The following ACSF2 variants were observed in gnomAD, a reference collection of about 807,000 sequenced individuals.
ACSF2 encodes the protein medium-chain acyl-CoA ligase ACSF2, mitochondrial.
ACSF2 carries 52 observed loss-of-function variants against 79.3 expected under a neutral mutation model. The ratio of observed to expected loss-of-function variants is 0.66; its 90% CI spans 0.53 to 0.83. The LOEUF (loss-of-function observed/expected upper bound fraction) is 0.83. Ranked by LOEUF, ACSF2 falls within the 40% of genes least tolerant of loss-of-function variation. The pLI, the probability that ACSF2 is intolerant of heterozygous loss-of-function variation, is 0.00. For synonymous variants in ACSF2, 283 were observed against 312.6 expected (o/e 0.91, Z 1.00); for missense variants, 661 against 803.3 (o/e 0.82, Z 2.14).
intron 10 of ACSF2, chr17:50,470,816 G>T: frequency 4.0e-6 from 2 of 500,846 alleles, no homozygotes; most frequent in Non-Finnish European, 7.2e-6. Context: ...TTTTCTTTCA[G>T]ATCTGGGGCC....
rs369262536 is a variant in ACSF2 at position 50,468,454 on chromosome 17, G to C, written c.1216-2574G>C. On this transcript the variant is annotated intron_variant, in intron 10 of 15. Transcript: ENST00000300441. ...AGAGGTAGGTCAGCTCGGTCAGGTC[G>C]TCGAAGGCACCTGCGCGCAGCACGC... 4 of 1,614,050 alleles carry C rather than the reference G, an allele frequency of 2.5e-6. No homozygotes were observed. In the Admixed American group the frequency reaches 5.0e-5, roughly 20 times the overall value.
rs1334016938 is a variant in ACSF2 at position 50,463,809 on chromosome 17, C to G, written c.1047-9C>G. On this transcript the variant is annotated splice_polypyrimidine_tract_variant and intron_variant, in intron 8 of 15. Transcript: ENST00000300441. This position sits in a 1 kb window ranked among gnomAD's most constrained non-coding sequence, Gnocchi z 4.6. ...TCCAAGCCTAATTTCGAGACCTCCTCCTATACAGAGGCACCTTCCTGTATG... is the reference window on the plus strand; with the variant it reads ...TCCAAGCCTAATTTCGAGACCTCCTGCTATACAGAGGCACCTTCCTGTATG... 12 of 1,613,382 alleles carry G rather than the reference C, an allele frequency of 7.4e-6. No homozygotes were observed. The highest frequency in any genetic ancestry group is 2.7e-5 in the African/African-American group (2 of 74,878).
At chr17:50,461,821 C>T in intron 4 of ACSF2, 135 bp downstream of exon 4, 1 of 1,188,134 alleles carries the variant, frequency 8.4e-7, no homozygotes, top group Non-Finnish European at 1.2e-6. Context: ...CTTCCTTAGG[C>T]CATGTGTGAT....
intron 4 of ACSF2, among the ~76,000 whole-genome samples, chr17:50,461,927 G>GGTGT (rs35178435): frequency 0.026 from 3,819 of 148,154 alleles, 122 homozygotes; most frequent in Admixed American, 0.073. Flanking sequence ...TCAGGGCAGA[G>GGTGT]GTGTGTGTGT....
In ACSF2 at chr17:50,471,346, C is replaced by A. The variant is rs1354762949; in HGVS notation, c.1323+211C>A. 15 of 544,730 alleles carry A rather than the reference C, an allele frequency of 2.8e-5. No homozygotes were observed. Among genetic ancestry groups the A allele is most frequent in the Non-Finnish European group, 3.3e-5 (10 of 301,612 alleles). The allele number at this position is 544,730 out of a possible 1,614,324, so 33.7% of individuals were successfully genotyped here. On this transcript the variant is annotated intron_variant, in intron 11 of 15. Transcript: ENST00000300441. This position sits in a 1 kb window ranked among gnomAD's most constrained non-coding sequence, Gnocchi z 4.1. Reference sequence around the variant, plus strand: ...GAAGAGCTGGAACAGTGGCTGTGAGCGGCTGCCAGCTGAACTTCTCCGCGG... The same window carrying A: ...GAAGAGCTGGAACAGTGGCTGTGAGAGGCTGCCAGCTGAACTTCTCCGCGG...
rs146450795 is a variant in ACSF2, at chr17:50,464,256, C to T, written c.1177C>T (p.Arg393Ter). The T allele has an allele frequency of 2.0e-5, 32 of 1,613,974 alleles. No homozygotes were observed. Among genetic ancestry groups the T allele is most frequent in the Non-Finnish European group, 2.5e-5 (30 of 1,180,038 alleles). ...AGSPAPPELI[R>*]AIINKINMKD... The stretch of plus-strand genomic sequence containing the variant: ...GTCCCCTGCACCTCCAGAGTTGATC[C>T]GAGCCATCATCAACAAGATAAATAT... Residue 393 changes from arginine (R) to a stop codon, truncating the protein, a stop_gained, in exon 10 of 16, where the codon CGA becomes TGA. Coordinates refer to ENST00000300441, the MANE Select transcript of ACSF2 (RefSeq NM_025149.6). LOFTEE classifies it high-confidence loss of function.
chr17:50,430,033 CTA>C (rs1915380258), intron 1 of ACSF2, among the ~76,000 whole-genome samples: 1 of 152,178 alleles, frequency 6.6e-6, no homozygotes, highest in African/African-American at 2.4e-5. Flanking sequence ...CTGGGGCTGC[CTA>C]TGAGGCAGCT....
At chr17:50,464,742 A>C in intron 10 of ACSF2, 2 of 341,184 alleles carry the variant, frequency 5.9e-6, no homozygotes, top group South Asian at 2.1e-5. Flanking sequence ...CATCCTGATG[A>C]CCAACCTGTT....
chr17:50,446,388 G>A (rs1429484808), intron 1 of ACSF2, among the ~76,000 whole-genome samples: 1 of 152,088 alleles, frequency 6.6e-6, no homozygotes, highest in Non-Finnish European at 1.5e-5. Flanking sequence ...CTCCTGAGTA[G>A]CGGGGATTAC....
At chr17:50,468,676 G>C (rs756324915) in intron 10 of ACSF2, 2 of 1,614,060 alleles carry the variant, frequency 1.2e-6, no homozygotes, top group South Asian at 1.1e-5. Flanking sequence ...ACACCTTGGG[G>C]ATCTTCTGCA....
Position 50,471,425 on chromosome 17 carries a change from C to A in ACSF2, c.1323+290C>A. The A allele has an allele frequency of 4.6e-6, 2 of 432,198 alleles. No individual in the cohort carries two copies. Among genetic ancestry groups the A allele is most frequent in the South Asian group, 5.1e-5 (2 of 39,240 alleles). The allele number at this position is 432,198 out of a possible 1,614,324, so 26.8% of individuals were successfully genotyped here. Reference sequence around the variant, plus strand: ...GCCAAGCCCACTGTCTGTTTCAGGGCAGCCAGGGTAGCCTCAAAGAGGAGC... The same window carrying A: ...GCCAAGCCCACTGTCTGTTTCAGGGAAGCCAGGGTAGCCTCAAAGAGGAGC... On this transcript the variant is annotated intron_variant, in intron 11 of 15. Coordinates refer to ENST00000300441, the MANE Select transcript of ACSF2 (RefSeq NM_025149.6). This position sits in a 1 kb window ranked among gnomAD's most constrained non-coding sequence, Gnocchi z 4.1.
chr17:50,473,650 G>C lies in ACSF2; in HGVS notation c.1476-15G>C. 1 of 1,614,164 alleles carries C rather than the reference G, an allele frequency of 6.2e-7. No individual in the cohort carries two copies. Among genetic ancestry groups the C allele is most frequent in the Non-Finnish European group, 8.5e-7 (1 of 1,180,020 alleles). ...AAGGCAGAGATGACAGGTTGCCCCT[G>C]GGCTTTCCTTACAGAGATGTCGCCA... On this transcript the variant is annotated splice_polypyrimidine_tract_variant and intron_variant, in intron 12 of 15. Transcript: ENST00000300441.
intron 1 of ACSF2, among the ~76,000 whole-genome samples, chr17:50,451,764 A>G (rs751646341): frequency 1.3e-5 from 2 of 151,688 alleles, no homozygotes; most frequent in Non-Finnish European, 2.9e-5. Flanking sequence ...ATTTTATTTT[A>G]TTTTTTTGCC....
intron 1 of ACSF2, among the ~76,000 whole-genome samples, chr17:50,441,463 C>T (rs1466831073): frequency 1.3e-5 from 2 of 152,206 alleles, no homozygotes; most frequent in Non-Finnish European, 2.9e-5. Context: ...GCGTGAGCCA[C>T]CATGCCTGGC....
At chr17:50,452,688 A>AAAAG (rs367995571) in intron 1 of ACSF2, among the ~76,000 whole-genome samples, 37 of 152,274 alleles carry the variant, frequency 2.4e-4, no homozygotes, top group African/African-American at 6.3e-4. Context: ...AAAGTTAAAA[A>AAAAG]AAAGAAAGAA....
intron 10 of ACSF2, chr17:50,468,325 G>A (rs1251037006): frequency 3.7e-6 from 6 of 1,614,046 alleles, no homozygotes; most frequent in East Asian, 2.2e-5. Context: ...AGGCGCCTGC[G>A]CGCAGCTCAC....
intron 1 of ACSF2, 49 bp downstream of exon 1, chr17:50,426,438 A>T: frequency 7.8e-7 from 1 of 1,274,240 alleles, no homozygotes; most frequent in Non-Finnish European, 1.0e-6. Flanking sequence ...TCCCCGGGAG[A>T]GGAACTTGGA....
Position 50,463,291 on chromosome 17 carries a change from G to C in ACSF2, c.888+40G>C. 6.2e-7 allele frequency: 1 copy of C among 1,612,924 alleles called. No individual in the cohort carries two copies. Among genetic ancestry groups the C allele is most frequent in the Middle Eastern group, 1.7e-4 (1 of 6,058 alleles). ...GGCCCAGGGCAAGGCTGCAGGAGGG[G>C]TGGCTCAGGCAGGGGTGGGGGGCTG... On this transcript the variant is annotated intron_variant, in intron 7 of 15. Coordinates refer to ENST00000300441, the MANE Select transcript of ACSF2 (RefSeq NM_025149.6). The surrounding 1 kb of genome is among the most constrained non-coding windows in gnomAD (Gnocchi z 4.6).
rs1713420019 is a variant in ACSF2 at position 50,474,073 on chromosome 17, C to T, written c.1728+69C>T. ...GCTCACCCACTCCTCTGCCAACCAG[C>T]CCAGGGTGGGGATTGCTCTGCCCTT... On this transcript the variant is annotated intron_variant, in intron 14 of 15. Coordinates refer to ENST00000300441, the MANE Select transcript of ACSF2 (RefSeq NM_025149.6). The surrounding 1 kb of genome is among the most constrained non-coding windows in gnomAD (Gnocchi z 4.2). 3 of 1,564,970 alleles carry T rather than the reference C, an allele frequency of 1.9e-6. No homozygotes were observed. Among genetic ancestry groups the T allele is most frequent in the African/African-American group, 2.7e-5 (2 of 73,992 alleles).
Sources: gnomAD v4.1 joint callset for allele counts (sites outside exome capture counted in the v4.1 genomes callset) on GRCh38, gnomAD v4.1.1 for gene constraint, Gnocchi (gnomAD v3.1) non-coding constraint, MANE v1.5 for transcripts, NCBI Gene and HGNC (gene_info 2026-07-23, HGNC 2026-07-21) for gene names.